The following NDST4 variants were observed in gnomAD, a reference collection of about 807,000 sequenced individuals.
NDST4 encodes N-heparan sulfate sulfotransferase 4.
A neutral mutation model predicts 100.8 loss-of-function variants in NDST4; 63 were observed. That is an observed-to-expected ratio of 0.62 (90% CI 0.51 to 0.77). The LOEUF is 0.77. Among genes scored for constraint, NDST4 ranks in the 30% least tolerant of loss-of-function variants. NDST4 has a pLI of 0.00. For missense variants in NDST4, 943 were observed against 1,018.4 expected, an observed-to-expected ratio of 0.93 and a Z score of 1.01; for synonymous variants, 377 against 361.8, an observed-to-expected ratio of 1.04 and a Z score of -0.48.
At chr4:114,870,045 G>T (rs986155345) in intron 7 of NDST4, among the ~76,000 whole-genome samples, 18 of 152,118 alleles carry the variant, frequency 1.2e-4, no homozygotes, top group Non-Finnish European at 1.5e-4. Context: ...GCTCTCTGCA[G>T]CCAGCCTATT....
chr4:114,953,436 A>G (rs1726066220), intron 4 of NDST4, among the ~76,000 whole-genome samples: 1 of 152,050 alleles, frequency 6.6e-6, no homozygotes, highest in African/African-American at 2.4e-5. Flanking sequence ...GGACCAGGAG[A>G]CTGAGGAAGT....
At chr4:114,982,483 G>A (rs555465036) in intron 2 of NDST4, among the ~76,000 whole-genome samples, 27 of 152,260 alleles carry the variant, frequency 1.8e-4, no homozygotes, top group African/African-American at 4.3e-4. Flanking sequence ...GATCAAGGGC[G>A]TCTGGAGGAA....
intron 13 of NDST4, among the ~76,000 whole-genome samples, chr4:114,828,317 T>G (rs1723125357): frequency 6.6e-6 from 1 of 152,134 alleles, no homozygotes; most frequent in Admixed American, 6.5e-5. Context: ...ACATTTTTTT[T>G]TGAAAATTGG....
chr4:114,831,685 AG>A (rs1045360925), intron 12 of NDST4, among the ~76,000 whole-genome samples: 33 of 152,300 alleles, frequency 2.2e-4, no homozygotes, highest in African/African-American at 7.9e-4. Context: ...AATCAGAGAA[AG>A]GAGAGCCCTC....
At chr4:115,091,212 T>A (rs1180417717) in intron 1 of NDST4, among the ~76,000 whole-genome samples, 1 of 152,122 alleles carries the variant, frequency 6.6e-6, no homozygotes, top group African/African-American at 2.4e-5. Flanking sequence ...ATTTTAAGTA[T>A]ATACAATAAT....
chr4:114,882,564 C>T (rs1359843870), intron 6 of NDST4, among the ~76,000 whole-genome samples: 2 of 151,696 alleles, frequency 1.3e-5, no homozygotes, highest in Admixed American at 6.6e-5. Flanking sequence ...AGAGAAACTT[C>T]CCAAACTAAA....
At chr4:114,846,666 T>C (rs1723556014) in intron 9 of NDST4, among the ~76,000 whole-genome samples, 1 of 152,328 alleles carries the variant, frequency 6.6e-6, no homozygotes, top group African/African-American at 2.4e-5. Flanking sequence ...CAATATGTTC[T>C]GAGGTTAATT....
chr4:114,989,624 C>G (rs966177651), intron 2 of NDST4, among the ~76,000 whole-genome samples: 24 of 152,102 alleles, frequency 1.6e-4, no homozygotes, highest in African/African-American at 5.5e-4. Flanking sequence ...AATATTTGGC[C>G]ACTGTATGAA....
intron 4 of NDST4, among the ~76,000 whole-genome samples, chr4:114,966,410 A>G (rs1213108741): frequency 6.6e-6 from 1 of 150,996 alleles, no homozygotes; most frequent in Non-Finnish European, 1.5e-5. Context: ...ATATTACAAG[A>G]GAAAACAAAC....
At chr4:114,894,502 T>G (rs1375703612) in intron 6 of NDST4, among the ~76,000 whole-genome samples, 1 of 152,198 alleles carries the variant, frequency 6.6e-6, no homozygotes, top group African/African-American at 2.4e-5. Context: ...TTTGTAGCAA[T>G]TGTGAATGCG....
At chr4:114,907,694 C>T (rs1724981028) in intron 6 of NDST4, among the ~76,000 whole-genome samples, 1 of 151,530 alleles carries the variant, frequency 6.6e-6, no homozygotes, top group Non-Finnish European at 1.5e-5. Context: ...AACATGGAAG[C>T]TTAGGGGAGA....
At chr4:114,975,447 A>G (rs1726611431) in intron 3 of NDST4, among the ~76,000 whole-genome samples, 1 of 152,144 alleles carries the variant, frequency 6.6e-6, no homozygotes, top group African/African-American at 2.4e-5. Context: ...TGCTTAAAAG[A>G]TATAATTAAA....
At chr4:114,830,169 C>G (rs1723163994) in intron 12 of NDST4, among the ~76,000 whole-genome samples, 1 of 152,012 alleles carries the variant, frequency 6.6e-6, no homozygotes, top group African/African-American at 2.4e-5. Flanking sequence ...CTTAGCTTAC[C>G]TATGCATCCA....
chr4:115,008,554 T>C lies in NDST4; in HGVS notation c.979-31280A>G, dbSNP rs545533645. ...ACATATCTCAAAATAATAAGAGCTA[T>C]CTATGACAAACCCACAGCCAATATC... On this transcript the variant is annotated intron_variant, in intron 2 of 13. Transcript: ENST00000264363. Among the ~76,000 whole-genome samples the C allele has an allele frequency of 1.5e-4, 19 of 129,152 alleles. 7 individuals are homozygous for C. In the South Asian group the frequency reaches 5.7e-3, roughly 39 times the overall value. 84.7% of individuals were successfully genotyped at this position (129,152 alleles called of 152,430 possible). A position where few individuals can be genotyped will look rare whatever the true frequency, so the allele number is the denominator to read the frequency against.
intron 2 of NDST4, among the ~76,000 whole-genome samples, chr4:115,074,094 A>C (rs1436829548): frequency 6.6e-6 from 1 of 151,986 alleles, no homozygotes; most frequent in Non-Finnish European, 1.5e-5. Context: ...CCATATGAAC[A>C]CATACTAATA....
At chr4:114,995,595 T>C (rs1426725573) in intron 2 of NDST4, among the ~76,000 whole-genome samples, 1 of 152,086 alleles carries the variant, frequency 6.6e-6, no homozygotes, top group Non-Finnish European at 1.5e-5. Flanking sequence ...ACAGACTAAA[T>C]GATGTTAAAC....
intron 2 of NDST4, among the ~76,000 whole-genome samples, chr4:115,032,179 T>C (rs1241850716): frequency 1.3e-5 from 2 of 152,126 alleles, no homozygotes; most frequent in Non-Finnish European, 2.9e-5. Context: ...AAGGTGCTGA[T>C]GTGAAGCTAT....
At chr4:114,991,277 G>T (rs1280608138) in intron 2 of NDST4, among the ~76,000 whole-genome samples, 1 of 152,006 alleles carries the variant, frequency 6.6e-6, no homozygotes, top group Non-Finnish European at 1.5e-5. Context: ...ATGAAAGTCA[G>T]CCAAAGTAAT....
At chr4:115,073,325 A>T (rs1046017380) in intron 2 of NDST4, among the ~76,000 whole-genome samples, 6 of 152,050 alleles carry the variant, frequency 3.9e-5, no homozygotes, top group Admixed American at 3.9e-4. Context: ...TATATATCAA[A>T]GGAAATGAAT....
Sources: allele counts gnomAD v4.1 joint callset (sites outside exome capture counted in the v4.1 genomes callset), GRCh38; gene constraint gnomAD v4.1.1; transcripts MANE v1.5; gene names NCBI Gene and HGNC (gene_info 2026-07-23, HGNC 2026-07-21).